Variants in CFAP47 observed in about 807,000 individuals in gnomAD.
CFAP47 encodes cilia- and flagella-associated protein 47.
CFAP47 carries 29 observed loss-of-function variants against 148.1 expected under a neutral mutation model. The observed-to-expected ratio is 0.20, with a 90% CI of 0.15 to 0.27. The LOEUF (loss-of-function observed/expected upper bound fraction) is 0.27, where lower values mean the gene tolerates loss of function less well. Ranked by LOEUF, CFAP47 falls within the 10% of genes least tolerant of loss-of-function variation. The pLI is 1.00. For synonymous variants in CFAP47, 664 were observed against 577.3 expected (o/e 1.15, Z -2.15); for missense variants, 1,872 against 1,697.5 (o/e 1.10, Z -1.81).
intron 26 of CFAP47, among the ~76,000 whole-genome samples, chrX:36,051,538 C>T (rs1454141738): frequency 9.0e-6 from 1 of 111,723 alleles, no homozygotes; most frequent in Admixed American, 9.6e-5. Context: ...GCTAATTTCT[C>T]CCACTTGGAA....
chrX:35,929,810 C>T (rs1480337585), intron 2 of CFAP47, among the ~76,000 whole-genome samples: 2 of 110,366 alleles, frequency 1.8e-5, no homozygotes, highest in African/African-American at 6.6e-5. Context: ...ACCAGCCTGG[C>T]CAACATGGAG....
intron 46 of CFAP47, among the ~76,000 whole-genome samples, chrX:36,229,604 CT>C (rs1332017965): frequency 5.4e-5 from 6 of 110,593 alleles, no homozygotes; most frequent in Admixed American, 9.6e-5. Context: ...GATATTTATT[CT>C]TTTTTTATTT....
intron 33 of CFAP47, among the ~76,000 whole-genome samples, chrX:36,135,852 G>A (rs1240984002): frequency 3.6e-5 from 4 of 111,663 alleles, no homozygotes; most frequent in Non-Finnish European, 5.7e-5. Context: ...ACAAAATGCA[G>A]GCTGTGGCAA....
intron 39 of CFAP47, among the ~76,000 whole-genome samples, chrX:36,168,352 T>C (rs1939518606): frequency 8.9e-6 from 1 of 112,000 alleles, no homozygotes; most frequent in Non-Finnish European, 1.9e-5. Context: ...AATTGTTTTC[T>C]TAATAGTTAC....
chrX:36,270,894 T>C (rs1453995256), intron 49 of CFAP47, among the ~76,000 whole-genome samples: 4 of 109,343 alleles, frequency 3.7e-5, no homozygotes, highest in Non-Finnish European at 7.6e-5. Context: ...GCTTTTTTCT[T>C]ACATGAATCG....
At chrX:36,250,345 G>A (rs909890692) in intron 48 of CFAP47, among the ~76,000 whole-genome samples, 5 of 110,863 alleles carry the variant, frequency 4.5e-5, no homozygotes, top group Admixed American at 9.6e-5. Flanking sequence ...AATTATATGT[G>A]GAATCTAAAA....
At chrX:36,178,814 G>A (rs766858974) in intron 39 of CFAP47, among the ~76,000 whole-genome samples, 10 of 111,722 alleles carry the variant, frequency 9.0e-5, no homozygotes, top group East Asian at 8.5e-4. Context: ...AAACAAATGC[G>A]TCTCTATAAC....
intron 31 of CFAP47, among the ~76,000 whole-genome samples, chrX:36,099,136 G>T (rs778755927): frequency 1.8e-5 from 2 of 111,607 alleles, no homozygotes; most frequent in Non-Finnish European, 3.8e-5. Context: ...GAAGAATAAG[G>T]TGGGGTTATG....
At chrX:36,174,765 G>C (rs1939644163) in intron 39 of CFAP47, among the ~76,000 whole-genome samples, 1 of 110,457 alleles carries the variant, frequency 9.1e-6, no homozygotes, top group Non-Finnish European at 1.9e-5. Flanking sequence ...TGGTGAATCT[G>C]ACAATTATGT....
intron 50 of CFAP47, among the ~76,000 whole-genome samples, chrX:36,281,351 G>A (rs1941077643): frequency 8.9e-6 from 1 of 112,502 alleles, no homozygotes. Flanking sequence ...GTATTTGTGT[G>A]TCTGTGTGTA....
Position 36,320,250 on chromosome X carries a change from C to T in CFAP47, c.8443+943C>T, listed in dbSNP as rs909706025. Among the ~76,000 whole-genome samples, 6 of 112,010 alleles carry T rather than the reference C, an allele frequency of 5.4e-5. No homozygotes were observed. The Admixed American group carries it at 5.7e-4, about 11-fold the overall frequency. On this transcript the variant is annotated intron_variant, in intron 57 of 63. Transcript: ENST00000378653. ...AAATTATGAATTTGCTTAACAATAA[C>T]AATGTTTTAAAAATATAAAACATAA...
intron 8 of CFAP47, among the ~76,000 whole-genome samples, chrX:35,957,173 C>G (rs1394726940): frequency 2.0e-5 from 2 of 98,694 alleles, no homozygotes; most frequent in African/African-American, 7.7e-5. Context: ...CACAGCACTG[C>G]ACTCCAGCCT....
At chrX:35,925,942 A>G in intron 1 of CFAP47, 75 bp from the exon 2 acceptor site, 1 of 907,374 alleles carries the variant, frequency 1.1e-6, no homozygotes, top group Non-Finnish European at 1.5e-6. Context: ...GGCGTGAGCC[A>G]TTGTGCCCAG....
At chrX:36,091,804 A>T (rs1938190263) in intron 30 of CFAP47, among the ~76,000 whole-genome samples, 1 of 111,552 alleles carries the variant, frequency 9.0e-6, no homozygotes, top group East Asian at 2.8e-4. Flanking sequence ...TTGAGTTTTC[A>T]GAATCATCTT....
At chrX:36,140,979 T>C (rs1352961503) in intron 35 of CFAP47, among the ~76,000 whole-genome samples, 2 of 111,255 alleles carry the variant, frequency 1.8e-5, no homozygotes, top group Non-Finnish European at 3.8e-5. Context: ...ATAATAAGCA[T>C]TTATGGAGCT....
intron 29 of CFAP47, among the ~76,000 whole-genome samples, chrX:36,077,963 A>T (rs1196601708): frequency 4.5e-5 from 5 of 110,824 alleles, no homozygotes; most frequent in Non-Finnish European, 7.6e-5. Context: ...CATGAGGCGG[A>T]GGTTGCAGTG....
chrX:36,291,855 C>T (rs111697288), intron 51 of CFAP47, among the ~76,000 whole-genome samples: 4,578 of 110,856 alleles, frequency 0.041, 228 homozygotes, highest in African/African-American at 0.14. Flanking sequence ...CATATATATA[C>T]GTAGAGAATA....
At chrX:36,377,462 G>T (rs1556023197) in intron 62 of CFAP47, among the ~76,000 whole-genome samples, 1 of 111,945 alleles carries the variant, frequency 8.9e-6, no homozygotes, top group Non-Finnish European at 1.9e-5. Flanking sequence ...CCCACCTTTT[G>T]ATGGGGTTAT....
chrX:36,260,003 T>C (rs999010600), intron 49 of CFAP47, among the ~76,000 whole-genome samples: 7 of 111,473 alleles, frequency 6.3e-5, no homozygotes, highest in Non-Finnish European at 1.3e-4. Flanking sequence ...CTCAGGATAA[T>C]GGCCTCCAGA....
Sources: allele counts gnomAD v4.1 joint callset (sites outside exome capture counted in the v4.1 genomes callset), GRCh38; gene constraint gnomAD v4.1.1; transcripts MANE v1.5; gene names NCBI Gene and HGNC (gene_info 2026-07-23, HGNC 2026-07-21).